GABRG3: variants seen among roughly 807,000 people sequenced by gnomAD.
GABRG3 encodes the protein gamma-aminobutyric acid receptor subunit gamma-3.
GABRG3 carries 25 observed loss-of-function variants against 48.8 expected under a neutral mutation model. The ratio of observed to expected loss-of-function variants is 0.51; its 90% CI spans 0.37 to 0.72. The LOEUF (loss-of-function observed/expected upper bound fraction) is 0.72, where lower values mean the gene tolerates loss of function less well. Among genes scored for constraint, GABRG3 ranks in the 30% least tolerant of loss-of-function variants. GABRG3 has a pLI of 0.00. For synonymous variants in GABRG3, 227 were observed against 217.6 expected (o/e 1.04, Z -0.38); for missense variants, 394 against 577.9 (o/e 0.68, Z 3.26).
intron 3 of GABRG3, among the ~76,000 whole-genome samples, chr15:27,134,252 C>A (rs1431350908): frequency 6.6e-6 from 1 of 152,180 alleles, no homozygotes; most frequent in Non-Finnish European, 1.5e-5. Context: ...TAAGCATACA[C>A]TTTATTAACG....
rs778222775 is a variant in GABRG3, at chr15:27,132,471, G to GGTTTTTTT, written c.270+105650_270+105651insGTTTTTTT. On this transcript the variant is annotated intron_variant, in intron 3 of 9. Coordinates refer to ENST00000615808, the MANE Select transcript of GABRG3 (RefSeq NM_033223.5). ...TGATTCAATCTTCCCAGTAGTTACA[G>GGTTTTTTT]TTTTTTTTTTTTTTTTTTTTTTTTT... Among the ~76,000 whole-genome samples, 34 of 39,590 alleles carry GGTTTTTTT rather than the reference G, an allele frequency of 8.6e-4. 8 individuals carry two copies. The highest frequency in any genetic ancestry group is 1.1e-3 in the Admixed American group (3 of 2,812). The allele number at this position is 39,590 out of a possible 152,430, so 26.0% of individuals were successfully genotyped here. A position where few individuals can be genotyped will look rare whatever the true frequency, so the allele number is the denominator to read the frequency against.
chr15:27,418,147 G>C (rs1478922303), intron 5 of GABRG3, among the ~76,000 whole-genome samples: 3 of 152,192 alleles, frequency 2.0e-5, no homozygotes, highest in Non-Finnish European at 4.4e-5. Flanking sequence ...TGCCTCAGAT[G>C]AATATGAAGG....
At chr15:27,460,270 G>A (rs1040549354) in intron 5 of GABRG3, among the ~76,000 whole-genome samples, 10 of 152,190 alleles carry the variant, frequency 6.6e-5, no homozygotes, top group African/African-American at 2.2e-4. Context: ...TCTAAAAGCA[G>A]AGTAAAAACT....
rs532387963 is a variant in GABRG3, at chr15:27,318,153, G to A, written c.271-8656G>A. Among the ~76,000 whole-genome samples, 3 of 152,232 alleles carry A rather than the reference G, an allele frequency of 2.0e-5. No homozygotes were observed. In the South Asian group the frequency reaches 6.2e-4, roughly 32 times the overall value. Reference sequence around the variant, plus strand: ...GTTTTGGGTGGCAGTGCACACTTATGAGCACTTTGGAAGGGTACTCAAAGC... The same window carrying A: ...GTTTTGGGTGGCAGTGCACACTTATAAGCACTTTGGAAGGGTACTCAAAGC... On this transcript the variant is annotated intron_variant, in intron 3 of 9. Coordinates refer to ENST00000615808, the MANE Select transcript of GABRG3 (RefSeq NM_033223.5).
chr15:27,073,891 T>C (rs1896867287), intron 3 of GABRG3, among the ~76,000 whole-genome samples: 1 of 152,192 alleles, frequency 6.6e-6, no homozygotes, highest in Non-Finnish European at 1.5e-5. Flanking sequence ...CATCAACAGA[T>C]GGCCTTGGTT....
At chr15:27,335,032 AATTTC>A (rs1166069243) in intron 5 of GABRG3, among the ~76,000 whole-genome samples, 1 of 152,186 alleles carries the variant, frequency 6.6e-6, no homozygotes, top group African/African-American at 2.4e-5. Context: ...CCTCTTAAAT[AATTTC>A]ATTTCTTTTT....
At chr15:27,193,434 TC>T (rs1341063866) in intron 3 of GABRG3, among the ~76,000 whole-genome samples, 1 of 151,636 alleles carries the variant, frequency 6.6e-6, no homozygotes, top group East Asian at 1.9e-4. Flanking sequence ...CGGGCGCCCC[TC>T]CCCCAGCCTC....
Position 27,141,203 on chromosome 15 carries a change from A to G in GABRG3, c.270+114382A>G, listed in dbSNP as rs115437728. Among the ~76,000 whole-genome samples, 631 of 152,312 alleles carry G rather than the reference A, an allele frequency of 4.1e-3. 4 individuals carry two copies. The highest frequency in any genetic ancestry group is 0.014 in the African/African-American group (584 of 41,570). On this transcript the variant is annotated intron_variant, in intron 3 of 9. Coordinates refer to ENST00000615808, the MANE Select transcript of GABRG3 (RefSeq NM_033223.5). ...GTTCACTGAGAAGCAGCCCTCACAC[A>G]CCATAAGAATTAGACCGCTTTGTCT...
At chr15:27,337,992 C>G (rs1894032486) in intron 5 of GABRG3, among the ~76,000 whole-genome samples, 1 of 152,144 alleles carries the variant, frequency 6.6e-6, no homozygotes, top group South Asian at 2.1e-4. Flanking sequence ...TCAACTAGGA[C>G]TGTTATTAAT....
At chr15:27,452,172 C>T (rs544695027) in intron 5 of GABRG3, among the ~76,000 whole-genome samples, 1 of 152,172 alleles carries the variant, frequency 6.6e-6, no homozygotes, top group Non-Finnish European at 1.5e-5. Flanking sequence ...ATCTAAACCT[C>T]AGTGAGATAT....
At chr15:27,073,612 C>T (rs1280271416) in intron 3 of GABRG3, among the ~76,000 whole-genome samples, 1 of 152,242 alleles carries the variant, frequency 6.6e-6, no homozygotes, top group East Asian at 1.9e-4. Context: ...TTTATTTCTG[C>T]TTTTGCACAA....
At chr15:27,159,529 A>G (rs1898522455) in intron 3 of GABRG3, among the ~76,000 whole-genome samples, 3 of 151,370 alleles carry the variant, frequency 2.0e-5, no homozygotes, top group African/African-American at 7.3e-5. Flanking sequence ...ACCTGGGTTC[A>G]TTTTCCATTC....
At chr15:27,230,531 A>C (rs1240400387) in intron 3 of GABRG3, among the ~76,000 whole-genome samples, 1 of 152,160 alleles carries the variant, frequency 6.6e-6, no homozygotes, top group Non-Finnish European at 1.5e-5. Context: ...TTTCCCTAGA[A>C]ATATGTGTTC....
At chr15:27,384,565 G>A (rs146383855) in intron 5 of GABRG3, among the ~76,000 whole-genome samples, 302 of 152,300 alleles carry the variant, frequency 2.0e-3, no homozygotes, top group African/African-American at 6.9e-3. Context: ...TTTAATTCAT[G>A]TTCTAGATAA....
intron 2 of GABRG3, among the ~76,000 whole-genome samples, chr15:26,980,681 CAAAAAA>C (rs67711680): frequency 4.8e-5 from 6 of 124,040 alleles, no homozygotes; most frequent in African/African-American, 1.1e-4. Flanking sequence ...TCCTCTGTCT[CAAAAAA>C]AAAAAAAAAA....
At chr15:27,242,587 A>G (rs10908269) in intron 3 of GABRG3, among the ~76,000 whole-genome samples, 48,402 of 152,118 alleles carry the variant, frequency 0.32, 11,689 homozygotes, top group African/African-American at 0.66. Flanking sequence ...TCCCAATCAG[A>G]ACAAAGTTAC....
chr15:27,486,656 A>G (rs1443574929), intron 6 of GABRG3, among the ~76,000 whole-genome samples: 1 of 152,156 alleles, frequency 6.6e-6, no homozygotes. Flanking sequence ...ACCTTGGGCA[A>G]TTCCTCTGAC....
chr15:27,396,933 C>G (rs1887317016), intron 5 of GABRG3, among the ~76,000 whole-genome samples: 1 of 152,054 alleles, frequency 6.6e-6, no homozygotes, highest in Non-Finnish European at 1.5e-5. Flanking sequence ...TTGGTGGTTA[C>G]CTGGGGCTGG....
Position 27,308,382 on chromosome 15 carries a change from TATATATAAACATATAATATAAAC to T in GABRG3, c.271-18414_271-18392del, listed in dbSNP as rs1892813033. 2.1e-5 allele frequency among the ~76,000 whole-genome samples: 3 copies of T among 143,808 alleles called. No homozygotes were observed. In the South Asian group the frequency reaches 6.7e-4, roughly 32 times the overall value. The allele number at this position is 143,808 out of a possible 152,430, so 94.3% of individuals were successfully genotyped here. Reference sequence around the variant, plus strand: ...ATATATAAACATATAAACATTTGTTTATATATAAACATATAATATAAACATATATAAACATGTAATGTAAACAT... The same window carrying T: ...ATATATAAACATATAAACATTTGTTTATATATAAACATGTAATGTAAACAT... On this transcript the variant is annotated intron_variant, in intron 3 of 9. Transcript: ENST00000615808.
Sources: gnomAD v4.1 joint callset for allele counts (sites outside exome capture counted in the v4.1 genomes callset) on GRCh38, gnomAD v4.1.1 for gene constraint, MANE v1.5 for transcripts, NCBI Gene and HGNC (gene_info 2026-07-23, HGNC 2026-07-21) for gene names.